Variants in SMARCB1 observed in about 807,000 individuals in gnomAD.
The protein encoded by SMARCB1 is SWI/SNF-related matrix-associated actin-dependent regulator of chromatin subfamily B member 1.
Under a neutral mutation model 49.0 loss-of-function variants are expected in SMARCB1, and 5 were observed. That is an observed-to-expected ratio of 0.10 (90% CI 0.05 to 0.21). SMARCB1 has a LOEUF of 0.21. Among genes scored for constraint, SMARCB1 ranks in the 10% least tolerant of loss-of-function variants. The pLI is 1.00. For missense variants in SMARCB1, 226 were observed against 509.2 expected (o/e 0.44, Z 5.35); for synonymous variants, 201 against 200.1 (o/e 1.00, Z -0.04).
intron 3 of SMARCB1, among the ~76,000 whole-genome samples, chr22:23,797,031 G>A (rs1163426873): frequency 1.4e-5 from 2 of 144,888 alleles, no homozygotes; most frequent in Non-Finnish European, 3.0e-5. Context: ...ACGGAGTCTC[G>A]CTGTCGCCCA....
In SMARCB1 at chr22:23,812,168, A is replaced by G. The variant is rs1274653574; in HGVS notation, c.629-4602A>G. Among the ~76,000 whole-genome samples, 3 of 152,180 alleles carry G rather than the reference A, an allele frequency of 2.0e-5. No homozygotes were observed. In the East Asian group the frequency reaches 5.8e-4, roughly 29 times the overall value. On this transcript the variant is annotated intron_variant, in intron 5 of 8. Coordinates refer to ENST00000644036, the MANE Select transcript of SMARCB1 (RefSeq NM_003073.5). ...CAGAATTTGTAATTTAAAAACCCCA[A>G]AAAATGGCCAGGCACGGTGGCTCTT...
rs776551730 is a variant in SMARCB1, at chr22:23,834,855, G to A, written c.*675G>A. ...GGAAGGTGCCGCGAGCTCTCCTGCC[G>A]TCCCTGGGCCGCCCTGGCTCTGCTG... On this transcript the variant is annotated 3_prime_UTR_variant, in exon 9 of 9. Coordinates refer to ENST00000644036, the MANE Select transcript of SMARCB1 (RefSeq NM_003073.5). The A allele has an allele frequency of 3.4e-5, 55 of 1,612,522 alleles. No individual in the cohort carries two copies. Among genetic ancestry groups the A allele is most frequent in the Admixed American group, 2.8e-4 (17 of 59,972 alleles).
intron 3 of SMARCB1, among the ~76,000 whole-genome samples, chr22:23,799,291 T>C (rs1360750496): frequency 6.6e-6 from 1 of 151,794 alleles, no homozygotes; most frequent in Non-Finnish European, 1.5e-5. Flanking sequence ...ATTTTTTTTT[T>C]TTTTTCGAGA....
At chr22:23,821,187 T>A (rs1175775517) in intron 6 of SMARCB1, among the ~76,000 whole-genome samples, 1 of 152,184 alleles carries the variant, frequency 6.6e-6, no homozygotes, top group Non-Finnish European at 1.5e-5. Flanking sequence ...TGAGAGACTG[T>A]CCCCAGCCAG....
intron 6 of SMARCB1, among the ~76,000 whole-genome samples, chr22:23,819,257 T>C (rs1467055003): frequency 6.6e-6 from 1 of 152,242 alleles, no homozygotes; most frequent in East Asian, 1.9e-4. Context: ...ACATTTTGGC[T>C]ATTGTGAATA....
Position 23,814,608 on chromosome 22 carries a change from T to G in SMARCB1, c.629-2162T>G, listed in dbSNP as rs1215762849. Among the ~76,000 whole-genome samples the G allele has an allele frequency of 4.6e-5, 7 of 151,260 alleles. No individual in the cohort carries two copies. The South Asian group carries it at 8.3e-4, about 18-fold the overall frequency. On this transcript the variant is annotated intron_variant, in intron 5 of 8. Transcript: ENST00000644036. ...TGAACCTGGAAGGCAGAGGTTGCTG[T>G]GAGCCGAGATCACGCTGTTGCAATC...
intron 6 of SMARCB1, among the ~76,000 whole-genome samples, chr22:23,819,486 G>T (rs2029960540): frequency 6.6e-6 from 1 of 151,984 alleles, no homozygotes; most frequent in Non-Finnish European, 1.5e-5. Flanking sequence ...CCACCACCAT[G>T]CCCAGCTAAT....
rs11704119 is a variant in SMARCB1 at position 23,824,979 on chromosome 22, G to A, written c.796-246G>A. On this transcript the variant is annotated intron_variant, in intron 6 of 8. Transcript: ENST00000644036. ...GGTAAGGTGGGACTCAGGTGCCCCC[G>A]GGGTCACTTCAGGGCCTCCCGAGGG... 0.13 allele frequency: 75,317 copies of A among 576,636 alleles called. 5,791 individuals carry two copies. Among genetic ancestry groups the A allele is most frequent in the South Asian group, 0.27 (13,531 of 50,232 alleles). 35.7% of individuals were successfully genotyped at this position (576,636 alleles called of 1,614,324 possible). A position where few individuals can be genotyped will look rare whatever the true frequency, so the allele number is the denominator to read the frequency against.
At chr22:23,793,394 C>G (rs1265201935) in intron 2 of SMARCB1, 165 bp from the exon 3 acceptor site, 2 of 777,430 alleles carry the variant, frequency 2.6e-6, no homozygotes, top group African/African-American at 3.4e-5. Context: ...AGCACTCAGT[C>G]CAGATTGCCC....
chr22:23,833,847 G>A (rs566280992), intron 8 of SMARCB1, 144 bp downstream of exon 8: 170 of 935,660 alleles, frequency 1.8e-4, no homozygotes, highest in Non-Finnish European at 2.5e-4. Flanking sequence ...GCTTCTGGGT[G>A]ATAAGGCCCC....
chr22:23,803,459 AC>A (rs754413403), intron 5 of SMARCB1, 37 bp downstream of exon 5: 1 of 1,612,168 alleles, frequency 6.2e-7, no homozygotes, highest in Non-Finnish European at 8.5e-7. Context: ...CCTGGCCCCA[AC>A]CCCTGTGTGT....
Position 23,835,128 on chromosome 22 carries a change from G to T in SMARCB1, c.*948G>T. On this transcript the variant is annotated 3_prime_UTR_variant, in exon 9 of 9. Coordinates refer to ENST00000644036, the MANE Select transcript of SMARCB1 (RefSeq NM_003073.5). Reference sequence around the variant, plus strand: ...ATATGGGAATAGCCCTCCCGGCCTGGTGCCAGCTCTTGGAGTTGACACGGT... The same window carrying T: ...ATATGGGAATAGCCCTCCCGGCCTGTTGCCAGCTCTTGGAGTTGACACGGT... The T allele has an allele frequency of 7.3e-7, 1 of 1,369,446 alleles. No individual in the cohort carries two copies. The allele number at this position is 1,369,446 out of a possible 1,614,324, so 84.8% of individuals were successfully genotyped here. A position where few individuals can be genotyped will look rare whatever the true frequency, so the allele number is the denominator to read the frequency against.
chr22:23,787,237 G>T lies in SMARCB1; in HGVS notation c.68G>T (p.Gly23Val). 6.2e-7 allele frequency: 1 copy of T among 1,606,488 alleles called. No homozygotes were observed. Residue 23 changes from glycine (G) to valine (V), a missense_variant, in exon 1 of 9, where the codon GGC becomes GTC. By Grantham distance (109) the Gly-to-Val change is moderately radical (BLOSUM62 -3). Transcript: ENST00000644036. Reference protein sequence around the residue: ...KPVKFQLEDDGEFYMIGSEVG... With the variant: ...KPVKFQLEDDVEFYMIGSEVG... ...GTGAAGTTCCAGCTGGAGGACGACG[G>T]CGAGTTCTACATGATCGGCTCCGAG...
At position 23,835,777 on chromosome 22, in the gene SMARCB1, A is replaced by G. The variant is rs1358401205; in HGVS notation, c.*1597A>G. 5 of 985,350 alleles carry G rather than the reference A, an allele frequency of 5.1e-6. No individual in the cohort carries two copies. In the African/African-American group the frequency reaches 8.7e-5, roughly 17 times the overall value. 61.0% of individuals were successfully genotyped at this position (985,350 alleles called of 1,614,324 possible). A position where few individuals can be genotyped will look rare whatever the true frequency, so the allele number is the denominator to read the frequency against. ...GGTGAGGCAGCCCTGTGTCTCCACAACTGGGGGGATGGAAGGAACCTTGGC... is the reference window on the plus strand; with the variant it reads ...GGTGAGGCAGCCCTGTGTCTCCACAGCTGGGGGGATGGAAGGAACCTTGGC... On this transcript the variant is annotated 3_prime_UTR_variant, in exon 9 of 9. Transcript: ENST00000644036.
intron 4 of SMARCB1, 180 bp downstream of exon 4, chr22:23,801,261 C>T (rs1451196247): frequency 1.1e-6 from 1 of 891,430 alleles, no homozygotes; most frequent in Admixed American, 2.0e-5. Context: ...TTGTCCATAG[C>T]CTCCTTGGCT....
intron 6 of SMARCB1, among the ~76,000 whole-genome samples, chr22:23,819,199 C>T (rs779067052): frequency 2.6e-5 from 4 of 152,190 alleles, no homozygotes; most frequent in Non-Finnish European, 5.9e-5. Flanking sequence ...GGATCTATCA[C>T]ATTTTTATTT....
chr22:23,816,009 G>C (rs1334650880), intron 5 of SMARCB1: 2 of 152,850 alleles, frequency 1.3e-5, no homozygotes, highest in African/African-American at 4.8e-5. Context: ...GCAGGGAGGA[G>C]ATAGTGGGGC....
intron 5 of SMARCB1, among the ~76,000 whole-genome samples, chr22:23,808,754 A>C (rs1295716860): frequency 1.3e-5 from 2 of 148,828 alleles, no homozygotes; most frequent in Non-Finnish European, 3.0e-5. Flanking sequence ...GCTGGAGTGC[A>C]GTTGCACAGT....
intron 2 of SMARCB1, 140 bp from the exon 3 acceptor site, chr22:23,793,419 A>G: frequency 1.2e-6 from 1 of 865,864 alleles, no homozygotes; most frequent in Non-Finnish European, 2.0e-6. Flanking sequence ...GGAAGAGGCC[A>G]GCATTCAGCA....
Sources: allele counts gnomAD v4.1 joint callset (sites outside exome capture counted in the v4.1 genomes callset), GRCh38; gene constraint gnomAD v4.1.1; transcripts MANE v1.5; gene names NCBI Gene and HGNC (gene_info 2026-07-23, HGNC 2026-07-21).